The following DTNA variants were observed in gnomAD, a reference collection of about 807,000 sequenced individuals.
DTNA encodes dystrophin-related protein 3.
A neutral mutation model predicts 100.7 loss-of-function variants in DTNA; 43 were observed. That is an observed-to-expected ratio of 0.43 (90% CI 0.33 to 0.55). The LOEUF (loss-of-function observed/expected upper bound fraction) is 0.55. Ranked by LOEUF, DTNA falls within the 20% of genes least tolerant of loss-of-function variation. DTNA has a pLI of 0.04. For missense variants in DTNA, 798 were observed against 953.9 expected, an observed-to-expected ratio of 0.84 and a Z score of 2.15; for synonymous variants, 349 against 347.9, an observed-to-expected ratio of 1.00 and a Z score of -0.04.
chr18:34,697,167 T>C (rs1200671313), intron 1 of DTNA, among the ~76,000 whole-genome samples: 2 of 152,226 alleles, frequency 1.3e-5, no homozygotes, highest in African/African-American at 4.8e-5. Context: ...TGGTATTTTT[T>C]TGTTACCATT....
In DTNA at chr18:34,731,924, A is replaced by T. The variant is rs575543748; in HGVS notation, c.-2+21479A>T. 1.9e-4 allele frequency among the ~76,000 whole-genome samples: 29 copies of T among 152,308 alleles called. No individual in the cohort carries two copies. In the South Asian group the frequency reaches 5.4e-3, roughly 28 times the overall value. On this transcript the variant is annotated intron_variant, in intron 1 of 22. Coordinates refer to ENST00000444659, the MANE Select transcript of DTNA (RefSeq NM_001386795.1). ...GTGAGGGATGGTGAAAACTCTGAAG[A>T]TGTTGGAACATTGTCAGCTGTCTAA...
intron 1 of DTNA, among the ~76,000 whole-genome samples, chr18:34,619,463 A>G (rs1376217869): frequency 6.6e-6 from 1 of 152,204 alleles, no homozygotes; most frequent in Non-Finnish European, 1.5e-5. Context: ...ATTAGAGCCT[A>G]ATGTTCTAAG....
intron 1 of DTNA, among the ~76,000 whole-genome samples, chr18:34,501,975 T>C (rs2039974896): frequency 6.6e-6 from 1 of 152,246 alleles, no homozygotes; most frequent in Non-Finnish European, 1.5e-5. Flanking sequence ...TTTATCTTAA[T>C]CACTTTCTTT....
intron 1 of DTNA, among the ~76,000 whole-genome samples, chr18:34,686,366 T>C (rs1003440287): frequency 6.6e-6 from 1 of 152,132 alleles, no homozygotes; most frequent in Non-Finnish European, 1.5e-5. Flanking sequence ...TGAATTTTAT[T>C]GAAGGCCTTT....
chr18:34,534,089 G>C (rs2043433207), intron 1 of DTNA, among the ~76,000 whole-genome samples: 1 of 152,098 alleles, frequency 6.6e-6, no homozygotes, highest in African/African-American at 2.4e-5. Context: ...GCTCACACCT[G>C]TAATCCCAGC....
intron 1 of DTNA, among the ~76,000 whole-genome samples, chr18:34,610,969 A>C (rs2054101562): frequency 6.6e-6 from 1 of 152,234 alleles, no homozygotes; most frequent in Non-Finnish European, 1.5e-5. Context: ...CCAGGACACA[A>C]ATTATGCAAT....
At chr18:34,511,539 G>A (rs2041094408) in intron 1 of DTNA, among the ~76,000 whole-genome samples, 1 of 152,002 alleles carries the variant, frequency 6.6e-6, no homozygotes, top group Non-Finnish European at 1.5e-5. Flanking sequence ...AATCAAATGG[G>A]GCCAGCATAG....
At chr18:34,559,338 G>A (rs1476080437) in intron 1 of DTNA, among the ~76,000 whole-genome samples, 2 of 152,178 alleles carry the variant, frequency 1.3e-5, no homozygotes, top group Non-Finnish European at 2.9e-5. Context: ...AAGTTCTGTG[G>A]ATAAGTGGGG....
chr18:34,823,812 A>G (rs1192057819), intron 9 of DTNA, among the ~76,000 whole-genome samples: 2 of 152,216 alleles, frequency 1.3e-5, no homozygotes, highest in Non-Finnish European at 2.9e-5. Context: ...AGTTACACCC[A>G]TAGATAAGCT....
At chr18:34,757,755 A>C (rs986504985) in intron 2 of DTNA, among the ~76,000 whole-genome samples, 1 of 152,222 alleles carries the variant, frequency 6.6e-6, no homozygotes, top group Non-Finnish European at 1.5e-5. Context: ...AAAATTGTGC[A>C]TTCGGTTCCC....
intron 13 of DTNA, among the ~76,000 whole-genome samples, chr18:34,843,141 T>C (rs2096302754): frequency 6.6e-6 from 1 of 152,006 alleles, no homozygotes; most frequent in African/African-American, 2.4e-5. Context: ...AAATTAGAAT[T>C]TTTACTATTT....
At chr18:34,695,251 A>G (rs1259653899) in intron 1 of DTNA, among the ~76,000 whole-genome samples, 17 of 152,170 alleles carry the variant, frequency 1.1e-4, no homozygotes, top group Admixed American at 1.0e-3. Context: ...CATATCGTCT[A>G]ACCCTGGGGC....
intron 1 of DTNA, among the ~76,000 whole-genome samples, chr18:34,754,950 CA>C (rs1373771645): frequency 6.6e-6 from 1 of 151,984 alleles, no homozygotes; most frequent in Non-Finnish European, 1.5e-5. Context: ...ACAATCCTGT[CA>C]AAAAAGAGCA....
intron 22 of DTNA, among the ~76,000 whole-genome samples, chr18:34,887,354 C>T (rs927165864): frequency 2.6e-5 from 4 of 152,120 alleles, no homozygotes; most frequent in African/African-American, 7.2e-5. Flanking sequence ...ACACCACTGT[C>T]CTTGGCCACT....
At chr18:34,741,361 A>G (rs1295464402) in intron 1 of DTNA, among the ~76,000 whole-genome samples, 2 of 152,208 alleles carry the variant, frequency 1.3e-5, no homozygotes, top group Admixed American at 6.5e-5. Flanking sequence ...TTCTATCATG[A>G]TAGCCACATA....
At chr18:34,650,551 G>GT (rs1020142162) in intron 1 of DTNA, among the ~76,000 whole-genome samples, 3 of 152,100 alleles carry the variant, frequency 2.0e-5, no homozygotes, top group Non-Finnish European at 4.4e-5. Flanking sequence ...TTTGAAGCCA[G>GT]TATCTCTACC....
intron 1 of DTNA, among the ~76,000 whole-genome samples, chr18:34,647,841 A>C (rs984361191): frequency 4.6e-5 from 7 of 152,246 alleles, no homozygotes; most frequent in African/African-American, 1.7e-4. Flanking sequence ...CACTTACAAC[A>C]GTGCTTAGTG....
intron 4 of DTNA, among the ~76,000 whole-genome samples, chr18:34,802,294 T>C (rs2095243581): frequency 6.6e-6 from 1 of 152,232 alleles, no homozygotes; most frequent in Non-Finnish European, 1.5e-5. Context: ...ACTACCTTAC[T>C]GCAAAGGCAT....
At chr18:34,728,810 A>G (rs1166229664) in intron 1 of DTNA, among the ~76,000 whole-genome samples, 1 of 152,214 alleles carries the variant, frequency 6.6e-6, no homozygotes, top group African/African-American at 2.4e-5. Context: ...GATGGCTGCC[A>G]GTAGCCCCCA....
Sources: allele counts gnomAD v4.1 joint callset (sites outside exome capture counted in the v4.1 genomes callset), GRCh38; gene constraint gnomAD v4.1.1; transcripts MANE v1.5; gene names NCBI Gene and HGNC (gene_info 2026-07-23, HGNC 2026-07-21).